The following TNIP3 variants were observed in gnomAD, a reference collection of about 807,000 sequenced individuals.
TNIP3 encodes TNFAIP3 interacting protein 3, also known as TNFAIP3-interacting protein 3.
A neutral mutation model predicts 54.1 loss-of-function variants in TNIP3; 34 were observed. The observed-to-expected ratio is 0.63, with a 90% confidence interval of 0.48 to 0.84. TNIP3 has a LOEUF of 0.84. Among genes scored for constraint, TNIP3 ranks in the 40% least tolerant of loss-of-function variants. The probability of loss-of-function intolerance (pLI) is 0.00; values close to 1 mark genes in which losing one functional copy is unlikely to be tolerated. For missense variants in TNIP3, 366 were observed against 387.6 expected (o/e 0.94, Z 0.47); for synonymous variants, 134 against 136.8 (o/e 0.98, Z 0.14).
rs986155957 is a variant in TNIP3, at chr4:121,154,562, G to A, written c.481C>T (p.Arg161Cys). 1.6e-5 allele frequency: 26 copies of A among 1,613,600 alleles called. No homozygotes were observed. Among genetic ancestry groups the A allele is most frequent in the African/African-American group, 1.1e-4 (8 of 74,878 alleles). ...GACCTGACTGATACCTTATTGAGGC[G>A]TTTTATTTCACATTCGTAATGTTCC... is the stretch of plus-strand genomic sequence containing the variant. Reference protein sequence around the residue: ...EKEHYECEIKRLNKALQDALN... With the variant: ...EKEHYECEIKCLNKALQDALN... The change falls in exon 5 of 11, where the codon CGC (arginine) becomes TGC (cysteine). Residue 161 changes from arginine to cysteine, a missense_variant. Transcript: ENST00000057513.
chr4:121,222,686 C>T (rs977362054), intron 1 of TNIP3, among the ~76,000 whole-genome samples: 1 of 151,972 alleles, frequency 6.6e-6, no homozygotes, highest in Admixed American at 6.6e-5. Flanking sequence ...CACTGGAAAG[C>T]CTGTAGAGAA....
In TNIP3 at chr4:121,178,358, C is replaced by A. The variant is rs111572391; in HGVS notation, c.189+4318G>T. 4.6e-3 allele frequency among the ~76,000 whole-genome samples: 702 copies of A among 152,270 alleles called. 4 individuals are homozygous for A. The highest frequency in any genetic ancestry group is 0.016 in the African/African-American group (674 of 41,550). The stretch of plus-strand genomic sequence containing the variant: ...TACACAGCAGCTAAAACCTGAACAA[C>A]GACAAAGTGAAAGGACTCTGACCCT... On this transcript the variant is annotated intron_variant, in intron 3 of 12. Coordinates refer to the TNIP3 transcript ENST00000507879.
At chr4:121,166,222 C>T (rs1440962118), upstream of TNIP3, among the ~76,000 whole-genome samples, 5 of 152,166 alleles carry the variant, frequency 3.3e-5, no homozygotes, top group Non-Finnish European at 7.4e-5. Context: ...TCCTTTGCCT[C>T]TTCTGTTATG....
At chr4:121,148,869 A>G (rs1457591517) in intron 6 of TNIP3, among the ~76,000 whole-genome samples, 1 of 152,228 alleles carries the variant, frequency 6.6e-6, no homozygotes, top group African/African-American at 2.4e-5. Flanking sequence ...TCAGTAAATC[A>G]TACCCAGGGA....
chr4:121,216,382 G>A (rs1726792048), intron 2 of TNIP3: 1 of 1,491,012 alleles, frequency 6.7e-7, no homozygotes, highest in Admixed American at 2.0e-5. Context: ...ATTAGTATTA[G>A]AAGCATATAA....
chr4:121,205,330 C>A (rs1024916986), intron 2 of TNIP3, among the ~76,000 whole-genome samples: 3 of 152,036 alleles, frequency 2.0e-5, no homozygotes, highest in Admixed American at 1.3e-4. Flanking sequence ...GTTTTTCCAA[C>A]ATACAGCAAG....
In TNIP3 at chr4:121,161,896, G is replaced by A. The variant is rs1730476988; in HGVS notation, c.67-680C>T. On this transcript the variant is annotated intron_variant, in intron 1 of 10. Transcript: ENST00000057513. ...ATTTAAAGATAACACAAAAGCTGTG[G>A]AAGCTGTCTGCCATCTGCCTAAATC... Among the ~76,000 whole-genome samples the A allele has an allele frequency of 2.6e-5, 4 of 152,098 alleles. No individual in the cohort carries two copies. In the South Asian group the frequency reaches 8.3e-4, roughly 32 times the overall value.
rs150019142 is a variant in TNIP3, at chr4:121,205,979, C to T, written c.68+10436G>A. Among the ~76,000 whole-genome samples the T allele has an allele frequency of 1.4e-3, 213 of 152,026 alleles. 1 individual carries two copies. In the Middle Eastern group the frequency reaches 0.031, roughly 22 times the overall value. On this transcript the variant is annotated intron_variant, in intron 2 of 12. Transcript: ENST00000507879. ...ACAGGATGGCAAGAAGGAGAAGTGCCGAGTAAAGGGGGAAGTCCCCTTGTA... is the reference window on the plus strand; with the variant it reads ...ACAGGATGGCAAGAAGGAGAAGTGCTGAGTAAAGGGGGAAGTCCCCTTGTA...
chr4:121,194,203 A>T (rs1474404163), intron 2 of TNIP3, among the ~76,000 whole-genome samples: 1 of 151,964 alleles, frequency 6.6e-6, no homozygotes, highest in Non-Finnish European at 1.5e-5. Context: ...CCTTTTTAAA[A>T]TTTTTTTCTT....
At chr4:121,206,146 G>C (rs1292149716) in intron 2 of TNIP3, among the ~76,000 whole-genome samples, 2 of 152,004 alleles carry the variant, frequency 1.3e-5, no homozygotes, top group Non-Finnish European at 2.9e-5. Flanking sequence ...ATGAGATTTG[G>C]GTAGAGACAT....
intron 7 of TNIP3, among the ~76,000 whole-genome samples, chr4:121,143,750 G>A (rs1729262206): frequency 6.6e-6 from 1 of 152,192 alleles, no homozygotes; most frequent in East Asian, 1.9e-4. Context: ...TCTGATTAAA[G>A]ACAACTTATT....
intron 3 of TNIP3, among the ~76,000 whole-genome samples, chr4:121,170,700 T>G (rs933542749): frequency 6.6e-6 from 1 of 152,148 alleles, no homozygotes; most frequent in Non-Finnish European, 1.5e-5. Context: ...TTTCTACATT[T>G]TCATGGTGCT....
intron 10 of TNIP3, chr4:121,136,443 G>A (rs1728790199): frequency 6.6e-6 from 1 of 152,226 alleles, no homozygotes; most frequent in Non-Finnish European, 1.5e-5. Context: ...TTTATTAACT[G>A]TGTGATTTAG....
intron 2 of TNIP3, among the ~76,000 whole-genome samples, chr4:121,184,730 GTTTC>G (rs1254819183): frequency 1.3e-5 from 2 of 151,996 alleles, no homozygotes; most frequent in Non-Finnish European, 2.9e-5. Context: ...TATTTATATT[GTTTC>G]TTTCAGGCTG....
At chr4:121,170,570 C>A (rs913401439) in intron 3 of TNIP3, among the ~76,000 whole-genome samples, 6 of 151,986 alleles carry the variant, frequency 3.9e-5, no homozygotes, top group Non-Finnish European at 8.8e-5. Context: ...AGCCTTCATA[C>A]AAATGCCTCT....
At chr4:121,138,431 C>T (rs540278257) in intron 10 of TNIP3, among the ~76,000 whole-genome samples, 193 bp downstream of exon 10, 1 of 152,334 alleles carries the variant, frequency 6.6e-6, no homozygotes, top group South Asian at 2.1e-4. Flanking sequence ...TCATGCATTT[C>T]TGCATTCGCA....
At chr4:121,213,397 T>C (rs1414240003) in intron 2 of TNIP3, among the ~76,000 whole-genome samples, 1 of 152,142 alleles carries the variant, frequency 6.6e-6, no homozygotes, top group Non-Finnish European at 1.5e-5. Context: ...GTTATAATTA[T>C]AATTTTCTGA....
chr4:121,153,421 G>A (rs755811195), intron 5 of TNIP3, among the ~76,000 whole-genome samples: 12 of 151,850 alleles, frequency 7.9e-5, no homozygotes, highest in African/African-American at 1.2e-4. Flanking sequence ...AAAAATGGGA[G>A]GATTTTAAAT....
intron 2 of TNIP3, among the ~76,000 whole-genome samples, chr4:121,212,879 T>C (rs1354389596): frequency 2.6e-5 from 4 of 152,294 alleles, no homozygotes; most frequent in Middle Eastern, 3.4e-3. Flanking sequence ...TATGATATCA[T>C]AAAAGAGATC....
Sources: allele counts gnomAD v4.1 joint callset (sites outside exome capture counted in the v4.1 genomes callset), GRCh38; gene constraint gnomAD v4.1.1; transcripts MANE v1.5; gene names NCBI Gene and HGNC (gene_info 2026-07-23, HGNC 2026-07-21).